The following CELF2 variants were observed in gnomAD, a reference collection of about 807,000 sequenced individuals.
The protein encoded by CELF2 is CUG triplet repeat RNA-binding protein 2.
CELF2 carries 8 observed loss-of-function variants against 62.6 expected under a neutral mutation model. The observed-to-expected ratio is 0.13, with a 90% confidence interval of 0.07 to 0.23. The LOEUF (loss-of-function observed/expected upper bound fraction) is 0.23, where lower values mean the gene tolerates loss of function less well. Among genes scored for constraint, CELF2 ranks in the 10% least tolerant of loss-of-function variants. CELF2 has a pLI of 1.00. For missense variants in CELF2, 333 were observed against 671.0 expected (o/e 0.50, Z 5.56); for synonymous variants, 258 against 250.0 (o/e 1.03, Z -0.30).
In CELF2 at chr10:11,264,792, C is replaced by G. The variant is rs2279808; in HGVS notation, c.539-1806C>G. Among the ~76,000 whole-genome samples, 1,265 of 152,274 alleles carry G rather than the reference C, an allele frequency of 8.3e-3. 24 individuals are homozygous for G. Among genetic ancestry groups the G allele is most frequent in the East Asian group, 0.07 (363 of 5,180 alleles). On this transcript the variant is annotated intron_variant, in intron 5 of 12. Coordinates refer to ENST00000633077, the MANE Select transcript of CELF2 (RefSeq NM_001326342.2). The stretch of plus-strand genomic sequence containing the variant: ...ATTGATGACAAAAGCTACAGTCAGT[C>G]TTAGTACAGGTAGCGTGTTCAGATA...
At position 11,075,453 on chromosome 10, in the gene CELF2, A is replaced by G. The variant is rs1005058712; in HGVS notation, c.74+57290A>G. The G allele has an allele frequency of 3.5e-4, 54 of 152,200 alleles. No homozygotes were observed. The highest frequency in any genetic ancestry group is 1.3e-3 in the African/African-American group (54 of 41,444). The allele number at this position is 152,200 out of a possible 1,614,324, so 9.4% of individuals were successfully genotyped here. A position where few individuals can be genotyped will look rare whatever the true frequency, so the allele number is the denominator to read the frequency against. On this transcript the variant is annotated intron_variant, in intron 1 of 12. Transcript: ENST00000633077. The surrounding 1 kb of genome is among the most constrained non-coding windows in gnomAD (Gnocchi z 5.4). ...GAGAGCAGTCCTGGTATACAGATAC[A>G]TGTACGATGTGATAAAGTTTGTGAG...
At chr10:11,167,644 T>C (rs558384805) in intron 2 of CELF2, among the ~76,000 whole-genome samples, 65 of 152,258 alleles carry the variant, frequency 4.3e-4, no homozygotes, top group Non-Finnish European at 4.7e-4. Flanking sequence ...CAGCCTATAT[T>C]TGATACTATA....
chr10:10,739,016 C>T, the CELF2 span, among the ~76,000 whole-genome samples: 1 of 152,052 alleles, frequency 6.6e-6, no homozygotes, highest in South Asian at 2.1e-4. Context: ...TGTAAATCTA[C>T]AACTCTTCTA....
the CELF2 span, among the ~76,000 whole-genome samples, chr10:10,605,002 C>A: frequency 6.6e-6 from 1 of 152,122 alleles, no homozygotes; most frequent in Non-Finnish European, 1.5e-5. Flanking sequence ...TTCACAATAG[C>A]AAAGACATGG....
chr10:10,657,180 A>G, the CELF2 span, among the ~76,000 whole-genome samples: 121 of 152,258 alleles, frequency 7.9e-4, no homozygotes, highest in African/African-American at 1.8e-3. Flanking sequence ...GCATATGTCC[A>G]TTTATTTGAA....
chr10:11,057,936 T>C (rs1398801776), intron 1 of CELF2, among the ~76,000 whole-genome samples: 1 of 152,182 alleles, frequency 6.6e-6, no homozygotes. Flanking sequence ...GCAAGACATG[T>C]TAAATGGAAG....
chr10:10,712,173 A>AAAAAAAAAAC, the CELF2 span, among the ~76,000 whole-genome samples: 1 of 149,396 alleles, frequency 6.7e-6, no homozygotes, highest in African/African-American at 2.5e-5. Context: ...AAAAAAAAAA[A>AAAAAAAAAAC]CTGGAATCTC....
At chr10:10,678,496 T>A in the CELF2 span, among the ~76,000 whole-genome samples, 2 of 152,146 alleles carry the variant, frequency 1.3e-5, no homozygotes, top group Non-Finnish European at 2.9e-5. Flanking sequence ...GGAGGCTTGG[T>A]TACATAAACA....
rs1589055873 is a variant in CELF2 at position 11,207,420 on chromosome 10, G to A, written c.272-10005G>A. On this transcript the variant is annotated intron_variant, in intron 2 of 12. Transcript: ENST00000633077. This position sits in a 1 kb window ranked among gnomAD's most constrained non-coding sequence, Gnocchi z 4.1. ...GTTGACAGAAAGTTGGTCCTAGCGTGTCAAATGGAGAGTTGGAGGGAAGGT... is the reference window on the plus strand; with the variant it reads ...GTTGACAGAAAGTTGGTCCTAGCGTATCAAATGGAGAGTTGGAGGGAAGGT... Among the ~76,000 whole-genome samples the A allele has an allele frequency of 2.0e-5, 3 of 152,328 alleles. No homozygotes were observed. Among genetic ancestry groups the A allele is most frequent in the Middle Eastern group, 6.8e-3 (2 of 294 alleles).
At chr10:11,128,863 C>G (rs2059161474) in intron 1 of CELF2, among the ~76,000 whole-genome samples, 1 of 152,152 alleles carries the variant, frequency 6.6e-6, no homozygotes, top group Admixed American at 6.5e-5. Context: ...ATTGAATACC[C>G]TTTATTGCTT....
chr10:11,072,145 CT>C (rs1190970814), intron 1 of CELF2, among the ~76,000 whole-genome samples: 3 of 152,154 alleles, frequency 2.0e-5, no homozygotes, highest in Non-Finnish European at 4.4e-5. Flanking sequence ...GAGCAACATT[CT>C]TTTGTCGTTT....
At chr10:10,804,091 C>G (rs2054951933) in intron 1 of CELF2, among the ~76,000 whole-genome samples, 1 of 152,198 alleles carries the variant, frequency 6.6e-6, no homozygotes, top group Non-Finnish European at 1.5e-5. Flanking sequence ...AAAATCCTCT[C>G]TGAGAATCTG....
At chr10:11,282,060 G>T (rs1413082304) in intron 8 of CELF2, among the ~76,000 whole-genome samples, 4 of 152,034 alleles carry the variant, frequency 2.6e-5, no homozygotes, top group Non-Finnish European at 5.9e-5. Context: ...ATGGGGACCT[G>T]GGGGGTAGAG....
chr10:10,653,249 C>G, the CELF2 span, among the ~76,000 whole-genome samples: 1 of 152,062 alleles, frequency 6.6e-6, no homozygotes, highest in Non-Finnish European at 1.5e-5. Context: ...GAGACTTAGA[C>G]TCCCACACAT....
Position 11,246,036 on chromosome 10 carries a change from C to T in CELF2, c.355-3117C>T, listed in dbSNP as rs1024532846. Among the ~76,000 whole-genome samples, 4 of 152,172 alleles carry T rather than the reference C, an allele frequency of 2.6e-5. No homozygotes were observed. The highest frequency in any genetic ancestry group is 9.7e-5 in the African/African-American group (4 of 41,438). On this transcript the variant is annotated intron_variant, in intron 3 of 12. Coordinates refer to ENST00000633077, the MANE Select transcript of CELF2 (RefSeq NM_001326342.2). This position sits in a 1 kb window ranked among gnomAD's most constrained non-coding sequence, Gnocchi z 4.6. ...CCGAGAGCACTGACTGCGTGATTTC[C>T]AGGGTCCTTTACAGCTTTAGAGTAT...
At chr10:11,282,958 G>A (rs2089522853) in intron 8 of CELF2, among the ~76,000 whole-genome samples, 1 of 152,180 alleles carries the variant, frequency 6.6e-6, no homozygotes, top group African/African-American at 2.4e-5. Flanking sequence ...TTAAGACATG[G>A]GGTCTCACTC....
chr10:10,469,244 C>T, the CELF2 span, among the ~76,000 whole-genome samples: 8 of 151,884 alleles, frequency 5.3e-5, no homozygotes, highest in Admixed American at 5.3e-4. Context: ...TTTCTAAATA[C>T]ACCATCAACT....
rs564376358 is a variant in CELF2, at chr10:11,252,457, A to G, written c.403+3256A>G. On this transcript the variant is annotated intron_variant, in intron 4 of 12. Coordinates refer to ENST00000633077, the MANE Select transcript of CELF2 (RefSeq NM_001326342.2). ...TCTAAAACTTTGTATGTGCTGAGCC[A>G]GAAAGAGCTGCTAATCATGGATTAA... is the stretch of plus-strand genomic sequence containing the variant. Among the ~76,000 whole-genome samples the G allele has an allele frequency of 3.9e-5, 6 of 152,386 alleles. No individual in the cohort carries two copies. The South Asian group carries it at 1.2e-3, about 32-fold the overall frequency.
chr10:11,280,984 G>C lies in CELF2; in HGVS notation c.841+5864G>C, dbSNP rs1489289574. On this transcript the variant is annotated intron_variant, in intron 8 of 12. Coordinates refer to ENST00000633077, the MANE Select transcript of CELF2 (RefSeq NM_001326342.2). This position sits in a 1 kb window ranked among gnomAD's most constrained non-coding sequence, Gnocchi z 7.6. ...GATGCTGGCGTGCGTGTGCATGCCT[G>C]TGTGCGTGTGTGTGTGTGTGTGTGT... Among the ~76,000 whole-genome samples, 1 of 137,094 alleles carries C rather than the reference G, an allele frequency of 7.3e-6. No individual in the cohort carries two copies. Among genetic ancestry groups the C allele is most frequent in the Non-Finnish European group, 1.5e-5 (1 of 64,874 alleles). 89.9% of individuals were successfully genotyped at this position (137,094 alleles called of 152,430 possible).
Sources: gnomAD v4.1 joint callset for allele counts (sites outside exome capture counted in the v4.1 genomes callset) on GRCh38, gnomAD v4.1.1 for gene constraint, Gnocchi (gnomAD v3.1) non-coding constraint, MANE v1.5 for transcripts, NCBI Gene and HGNC (gene_info 2026-07-23, HGNC 2026-07-21) for gene names.